Variants in CCDC146 observed in about 807,000 individuals in gnomAD.
CCDC146 encodes the protein coiled-coil domain containing 146, also known as coiled-coil domain-containing protein 146.
CCDC146 carries 92 observed loss-of-function variants against 119.3 expected under a neutral mutation model. The ratio of observed to expected loss-of-function variants is 0.77; its 90% CI spans 0.65 to 0.92. The LOEUF is 0.92. Among genes scored for constraint, CCDC146 ranks in the 40% least tolerant of loss-of-function variants. The pLI is 0.00. For missense variants in CCDC146, 1,000 were observed against 1,103.0 expected (o/e 0.91, Z 1.32); for synonymous variants, 372 against 371.8 (o/e 1.00, Z -0.01).
In CCDC146 at chr7:77,287,546, G is replaced by A. The variant is rs1260646903; in HGVS notation, c.2384G>A (p.Cys795Tyr). 1.9e-6 allele frequency: 3 copies of A among 1,613,870 alleles called. No homozygotes were observed. The highest frequency in any genetic ancestry group is 1.7e-6 in the Non-Finnish European group (2 of 1,179,988). Residue 795 changes from cysteine to tyrosine, a missense_variant, in exon 17 of 19, where the codon TGC becomes TAC. Transcript: ENST00000285871. ...TDRLCSKTQG[C>Y]KQDTLLLAKK... ...AGGCTCTGCAGCAAAACTCAGGGCT[G>A]CAAGCAGGACACACTGCTCTTAGCC...
intron 2 of CCDC146, chr7:77,199,245 A>G (rs1562830632): frequency 6.2e-7 from 1 of 1,613,932 alleles, no homozygotes; most frequent in Non-Finnish European, 8.5e-7. Flanking sequence ...AACTATTGAC[A>G]ACAAATGTTA....
intron 2 of CCDC146, among the ~76,000 whole-genome samples, chr7:77,190,686 T>C (rs1355265825): frequency 6.6e-6 from 1 of 152,226 alleles, no homozygotes; most frequent in Non-Finnish European, 1.5e-5. Context: ...TTTCCACCTC[T>C]TTCCAGTCAA....
intron 1 of CCDC146, among the ~76,000 whole-genome samples, chr7:77,130,237 G>T (rs1341411505): frequency 6.6e-6 from 1 of 152,016 alleles, no homozygotes; most frequent in Non-Finnish European, 1.5e-5. Flanking sequence ...GCCTGTATAG[G>T]ATATATAGGG....
At chr7:77,199,761 T>G in intron 2 of CCDC146, 2 of 1,614,148 alleles carry the variant, frequency 1.2e-6, no homozygotes, top group African/African-American at 2.7e-5. Context: ...CAAGAACAGC[T>G]GAGCTCAGCC....
chr7:77,278,435 A>G (rs1336970712), intron 11 of CCDC146, among the ~76,000 whole-genome samples: 1 of 103,342 alleles, frequency 9.7e-6, no homozygotes, highest in Non-Finnish European at 1.8e-5. Context: ...CCAAGAAATA[A>G]TTTTTTTTTT....
chr7:77,181,304 G>A (rs1352670950), intron 2 of CCDC146, among the ~76,000 whole-genome samples: 1 of 152,142 alleles, frequency 6.6e-6, no homozygotes, highest in Non-Finnish European at 1.5e-5. Context: ...CCATTCATAA[G>A]GTCTGTCCCT....
rs145004523 is a variant in CCDC146, at chr7:77,156,739, T to A, written c.-11-10919T>A. ...TGGCTTTTAGGACTATTAAGTTAGTTCCATCTGATTTTGTTGTTGTTGTTG... is the reference window on the plus strand; with the variant it reads ...TGGCTTTTAGGACTATTAAGTTAGTACCATCTGATTTTGTTGTTGTTGTTG... On this transcript the variant is annotated intron_variant, in intron 1 of 18. Transcript: ENST00000285871. Among the ~76,000 whole-genome samples, 506 of 152,316 alleles carry A rather than the reference T, an allele frequency of 3.3e-3. 8 individuals carry two copies. The East Asian group carries it at 0.051, about 15-fold the overall frequency.
intron 2 of CCDC146, among the ~76,000 whole-genome samples, chr7:77,176,750 T>C (rs1791506233): frequency 6.6e-6 from 1 of 152,194 alleles, no homozygotes; most frequent in Non-Finnish European, 1.5e-5. Context: ...TCTTTTTTTA[T>C]GAGGATATTC....
intron 2 of CCDC146, among the ~76,000 whole-genome samples, chr7:77,220,188 C>T (rs1041455991): frequency 8.5e-5 from 13 of 152,164 alleles, no homozygotes; most frequent in East Asian, 3.8e-4. Context: ...AGGCTTCCCC[C>T]GGGAATGCAT....
intron 1 of CCDC146, among the ~76,000 whole-genome samples, chr7:77,130,605 T>TC (rs1790768353): frequency 6.7e-6 from 1 of 149,540 alleles, no homozygotes; most frequent in Non-Finnish European, 1.5e-5. Flanking sequence ...TTCTTTTTTT[T>TC]TTTTTTTTTT....
At position 77,231,968 on chromosome 7, in the gene CCDC146, C is replaced by G. The variant is rs1443750041; in HGVS notation, c.157-4979C>G. Among the ~76,000 whole-genome samples the G allele has an allele frequency of 2.0e-5, 3 of 152,044 alleles. No individual in the cohort carries two copies. In the East Asian group the frequency reaches 5.8e-4, roughly 29 times the overall value. Reference sequence around the variant, plus strand: ...TATTGTAACAACTCTGGATTCTGATCCTTCCCAGGCTTATTGATGCTGTTT... The same window carrying G: ...TATTGTAACAACTCTGGATTCTGATGCTTCCCAGGCTTATTGATGCTGTTT... On this transcript the variant is annotated intron_variant, in intron 2 of 18. Coordinates refer to ENST00000285871, the MANE Select transcript of CCDC146 (RefSeq NM_020879.3).
intron 2 of CCDC146, among the ~76,000 whole-genome samples, chr7:77,204,709 C>T (rs551681832): frequency 6.6e-6 from 1 of 152,280 alleles, no homozygotes; most frequent in Admixed American, 6.5e-5. Flanking sequence ...TACCTATCAA[C>T]AAAATCAATT....
Position 77,287,532 on chromosome 7 carries a change from C to G in CCDC146, c.2370C>G (p.Ser790Arg), listed in dbSNP as rs372299802. 11 of 1,613,878 alleles carry G rather than the reference C, an allele frequency of 6.8e-6. No individual in the cohort carries two copies. In the African/African-American group the frequency reaches 1.2e-4, roughly 18 times the overall value. The change falls in exon 17 of 19, where the codon AGC becomes AGG. Residue 790 changes from serine (S) to arginine (R), a missense_variant. Physicochemically the swap from Ser to Arg is moderately radical, Grantham distance 110. Transcript: ENST00000285871. ...CCAGGCTCACAGACAGGCTCTGCAG[C>G]AAAACTCAGGGCTGCAAGCAGGACA... ...QVSRLTDRLCSKTQGCKQDTL... is the reference protein window; with the variant it reads ...QVSRLTDRLCRKTQGCKQDTL...
chr7:77,241,920 C>A lies in CCDC146; in HGVS notation c.449+20C>A. 2 of 1,563,880 alleles carry A rather than the reference C, an allele frequency of 1.3e-6. No individual in the cohort carries two copies. Among genetic ancestry groups the A allele is most frequent in the Non-Finnish European group, 1.8e-6 (2 of 1,136,980 alleles). The stretch of plus-strand genomic sequence containing the variant: ...AAATAGGTAAGTGCACAGTTCTCTC[C>A]GGCACACTGAAAAGTCTTTTCCTCA... On this transcript the variant is annotated intron_variant, in intron 4 of 18. Coordinates refer to ENST00000285871, the MANE Select transcript of CCDC146 (RefSeq NM_020879.3).
At chr7:77,129,250 T>C (rs1469592706) in intron 1 of CCDC146, among the ~76,000 whole-genome samples, 2 of 152,108 alleles carry the variant, frequency 1.3e-5, no homozygotes. Context: ...ACCCACCCAA[T>C]TGTCACTCAG....
At chr7:77,160,149 C>T (rs1442965792) in intron 1 of CCDC146, among the ~76,000 whole-genome samples, 1 of 152,090 alleles carries the variant, frequency 6.6e-6, no homozygotes, top group African/African-American at 2.4e-5. Flanking sequence ...GGTACAAGTA[C>T]CATGCTGTTT....
At chr7:77,214,978 G>T (rs1044377022) in intron 2 of CCDC146, among the ~76,000 whole-genome samples, 1 of 151,916 alleles carries the variant, frequency 6.6e-6, no homozygotes, top group Non-Finnish European at 1.5e-5. Flanking sequence ...TAATTCATTA[G>T]GAATTTTAAA....
chr7:77,122,722 C>T lies in CCDC146; in HGVS notation c.-22C>T, dbSNP rs1349947138. 1.2e-5 allele frequency: 2 copies of T among 166,192 alleles called. No individual in the cohort carries two copies. Among genetic ancestry groups the T allele is most frequent in the Non-Finnish European group, 2.7e-5 (2 of 74,960 alleles). 10.3% of individuals were successfully genotyped at this position (166,192 alleles called of 1,614,324 possible). On this transcript the variant is annotated 5_prime_UTR_variant, in exon 1 of 19. Coordinates refer to ENST00000285871, the MANE Select transcript of CCDC146 (RefSeq NM_020879.3). ...TAGGAGCCTAAATAAGGATCAGGACCAAGGGAAGGGGTAAGAAACTGCGCT... is the reference window on the plus strand; with the variant it reads ...TAGGAGCCTAAATAAGGATCAGGACTAAGGGAAGGGGTAAGAAACTGCGCT...
intron 4 of CCDC146, among the ~76,000 whole-genome samples, chr7:77,251,676 G>A (rs1393980742): frequency 2.0e-5 from 3 of 152,154 alleles, no homozygotes; most frequent in African/African-American, 7.2e-5. Flanking sequence ...TATGTAATGG[G>A]AGCCCACAGG....
Sources: allele counts gnomAD v4.1 joint callset (sites outside exome capture counted in the v4.1 genomes callset), GRCh38; gene constraint gnomAD v4.1.1; transcripts MANE v1.5; gene names NCBI Gene and HGNC (gene_info 2026-07-23, HGNC 2026-07-21).